TRABD2B: variants seen among roughly 807,000 people sequenced by gnomAD.
The protein encoded by TRABD2B is TraB domain containing 2B.
Under a neutral mutation model 40.1 loss-of-function variants are expected in TRABD2B, and 14 were observed. The ratio of observed to expected loss-of-function variants is 0.35; its 90% CI spans 0.23 to 0.55. The LOEUF (loss-of-function observed/expected upper bound fraction) is 0.55. Among genes scored for constraint, TRABD2B ranks in the 20% least tolerant of loss-of-function variants. The pLI, the probability that TRABD2B is intolerant of heterozygous loss-of-function variation, is 0.90. For synonymous variants in TRABD2B, 263 were observed against 277.0 expected (o/e 0.95, Z 0.50); for missense variants, 541 against 648.6 (o/e 0.83, Z 1.80).
intron 2 of TRABD2B, among the ~76,000 whole-genome samples, chr1:47,805,628 C>T (rs1256886831): frequency 2.0e-5 from 3 of 152,282 alleles, no homozygotes; most frequent in Non-Finnish European, 2.9e-5. Context: ...CAGAATCATG[C>T]GCACTTTCCC....
intron 6 of TRABD2B, among the ~76,000 whole-genome samples, chr1:47,766,805 G>C (rs548051148): frequency 2.6e-5 from 4 of 152,300 alleles, no homozygotes; most frequent in Non-Finnish European, 5.9e-5. Context: ...CACAGTTGCA[G>C]GATATGTTTA....
At chr1:47,780,861 C>T (rs1644511987) in intron 4 of TRABD2B, among the ~76,000 whole-genome samples, 4 of 152,352 alleles carry the variant, frequency 2.6e-5, no homozygotes, top group Middle Eastern at 6.8e-3. Context: ...AAGATCCAGG[C>T]TCCCGCCAAG....
chr1:47,801,011 G>A (rs1644816354), intron 3 of TRABD2B, among the ~76,000 whole-genome samples: 1 of 152,170 alleles, frequency 6.6e-6, no homozygotes, highest in Admixed American at 6.5e-5. Context: ...CTGAGCAGGG[G>A]TGAGCCATGC....
intron 2 of TRABD2B, among the ~76,000 whole-genome samples, chr1:47,827,987 C>T (rs1017031888): frequency 6.6e-6 from 1 of 152,206 alleles, no homozygotes; most frequent in Admixed American, 6.5e-5. Flanking sequence ...CCAGCAAGGT[C>T]AGAAGGCTTG....
chr1:47,970,255 T>TG (rs1645662456), intron 2 of TRABD2B, among the ~76,000 whole-genome samples: 1 of 151,912 alleles, frequency 6.6e-6, no homozygotes, highest in East Asian at 1.9e-4. Context: ...TGGAGTTCAG[T>TG]GGGGGACAAA....
At chr1:47,916,812 T>C (rs960895637) in intron 2 of TRABD2B, among the ~76,000 whole-genome samples, 15 of 152,222 alleles carry the variant, frequency 9.9e-5, no homozygotes, top group African/African-American at 3.6e-4. Flanking sequence ...TTGCCTTCTC[T>C]TGTCTCTTTT....
intron 2 of TRABD2B, among the ~76,000 whole-genome samples, chr1:47,827,342 T>A (rs1645189900): frequency 6.6e-6 from 1 of 152,236 alleles, no homozygotes; most frequent in Admixed American, 6.5e-5. Context: ...ATTTTCAGCA[T>A]CTGCATGTGC....
intron 2 of TRABD2B, among the ~76,000 whole-genome samples, chr1:47,859,706 T>G (rs1643938560): frequency 6.6e-6 from 1 of 152,080 alleles, no homozygotes; most frequent in Non-Finnish European, 1.5e-5. Context: ...TTCCCCACCA[T>G]CTCCACCTGC....
At chr1:47,966,781 T>C (rs182376946) in intron 2 of TRABD2B, among the ~76,000 whole-genome samples, 31 of 152,088 alleles carry the variant, frequency 2.0e-4, no homozygotes, top group African/African-American at 6.3e-4. Context: ...GGCGCACACT[T>C]GTAATCCTAG....
At chr1:47,778,931 C>A (rs974893113) in intron 4 of TRABD2B, among the ~76,000 whole-genome samples, 3 of 152,228 alleles carry the variant, frequency 2.0e-5, no homozygotes, top group Non-Finnish European at 2.9e-5. Context: ...CCCAGCCCCC[C>A]ACAGTCCAGG....
chr1:47,817,210 C>G (rs953835779), intron 2 of TRABD2B, among the ~76,000 whole-genome samples: 2 of 152,052 alleles, frequency 1.3e-5, no homozygotes, highest in African/African-American at 4.8e-5. Flanking sequence ...TTCCATCCCC[C>G]CCAACACCCC....
At chr1:47,852,331 T>C (rs909187213) in intron 2 of TRABD2B, among the ~76,000 whole-genome samples, 10 of 152,168 alleles carry the variant, frequency 6.6e-5, no homozygotes, top group Non-Finnish European at 1.5e-4. Context: ...TTTGTTGCTG[T>C]TGGAGGCTAG....
chr1:47,881,620 GT>G (rs1207421967), intron 2 of TRABD2B, among the ~76,000 whole-genome samples: 1 of 152,192 alleles, frequency 6.6e-6, no homozygotes, highest in Non-Finnish European at 1.5e-5. Context: ...AAGCTTTCTG[GT>G]TCTGAAGCCA....
chr1:47,911,683 C>T (rs1268287031), intron 2 of TRABD2B, among the ~76,000 whole-genome samples: 1 of 152,226 alleles, frequency 6.6e-6, no homozygotes, highest in African/African-American at 2.4e-5. Context: ...GCCACAGCTC[C>T]AGAGCGCAGG....
intron 2 of TRABD2B, among the ~76,000 whole-genome samples, chr1:47,971,208 T>G (rs182007618): frequency 6.6e-6 from 1 of 152,278 alleles, no homozygotes; most frequent in East Asian, 1.9e-4. Flanking sequence ...ATTCATTCAG[T>G]GCACATAAGC....
intron 3 of TRABD2B, among the ~76,000 whole-genome samples, chr1:47,795,356 T>A (rs1644734206): frequency 6.6e-6 from 1 of 152,210 alleles, no homozygotes; most frequent in Non-Finnish European, 1.5e-5. Flanking sequence ...CTGCTGAACC[T>A]CAGCAGATGC....
chr1:47,799,037 AG>A (rs1644784954), intron 3 of TRABD2B, among the ~76,000 whole-genome samples: 1 of 144,632 alleles, frequency 6.9e-6, no homozygotes, highest in South Asian at 2.1e-4. Context: ...TCCCACTTCA[AG>A]TACGGGAACT....
At chr1:47,965,283 C>A (rs187859213) in intron 2 of TRABD2B, among the ~76,000 whole-genome samples, 138 of 145,078 alleles carry the variant, frequency 9.5e-4, no homozygotes, top group African/African-American at 3.3e-3. Flanking sequence ...TCTGACTTTT[C>A]TGCAAAATTG....
chr1:47,944,140 C>T (rs17103939), intron 2 of TRABD2B, among the ~76,000 whole-genome samples: 23,455 of 151,990 alleles, frequency 0.15, 2,042 homozygotes, highest in East Asian at 0.35. Flanking sequence ...CTGCAGGACA[C>T]GGGAGTGCAT....
Sources: allele counts gnomAD v4.1 joint callset (sites outside exome capture counted in the v4.1 genomes callset), GRCh38; gene constraint gnomAD v4.1.1; transcripts MANE v1.5; gene names NCBI Gene and HGNC (gene_info 2026-07-23, HGNC 2026-07-21).